GK5: variants seen among roughly 807,000 people sequenced by gnomAD.
The protein encoded by GK5 is glycerol kinase 5, also known as ATP:glycerol 3-phosphotransferase 5.
A neutral mutation model predicts 77.3 loss-of-function variants in GK5; 39 were observed. The observed-to-expected ratio is 0.50, with a 90% CI of 0.39 to 0.66. GK5 has a LOEUF of 0.66. Among genes scored for constraint, GK5 ranks in the 30% least tolerant of loss-of-function variants. GK5 has a pLI of 0.00. For missense variants in GK5, 487 were observed against 633.8 expected, an observed-to-expected ratio of 0.77 and a Z score of 2.49; for synonymous variants, 211 against 208.0, an observed-to-expected ratio of 1.01 and a Z score of -0.13.
Position 142,162,699 on chromosome 3 carries a change from G to C in GK5, c.*2923C>G, listed in dbSNP as rs1184851276. 1 of 151,920 alleles carries C rather than the reference G, an allele frequency of 6.6e-6. No individual in the cohort carries two copies. Among genetic ancestry groups the C allele is most frequent in the Non-Finnish European group, 1.5e-5 (1 of 67,982 alleles). The allele number at this position is 151,920 out of a possible 1,614,324, so 9.4% of individuals were successfully genotyped here. Reference sequence around the variant, plus strand: ...TAGCATACAAATGAAAAACAAACTTGGAAGACAGAAAGGACAAGCCAGGCA... The same window carrying C: ...TAGCATACAAATGAAAAACAAACTTCGAAGACAGAAAGGACAAGCCAGGCA... On this transcript the variant is annotated 3_prime_UTR_variant, in exon 16 of 16. Transcript: ENST00000392993.
chr3:142,194,112 C>T (rs2063896112), intron 5 of GK5, among the ~76,000 whole-genome samples: 1 of 152,022 alleles, frequency 6.6e-6, no homozygotes, highest in African/African-American at 2.4e-5. Context: ...TAGCTGTGTG[C>T]GGCGGGTCAC....
At chr3:142,222,391 C>G (rs113026060) in intron 1 of GK5, among the ~76,000 whole-genome samples, 1,648 of 152,156 alleles carry the variant, frequency 0.011, 32 homozygotes, top group African/African-American at 0.037. Context: ...CGGTGAAACC[C>G]CATGTCTATG....
chr3:142,192,472 T>A (rs952766071), intron 5 of GK5, among the ~76,000 whole-genome samples: 2 of 152,116 alleles, frequency 1.3e-5, no homozygotes, highest in African/African-American at 4.8e-5. Context: ...TTTCAATAGG[T>A]AACTGGATAG....
At chr3:142,187,567 T>G in intron 6 of GK5, 137 bp downstream of exon 6, 1 of 649,230 alleles carries the variant, frequency 1.5e-6, no homozygotes. Flanking sequence ...ATTACACCAT[T>G]GCACTCCCGC....
At chr3:142,202,874 T>A (rs2064048375) in intron 4 of GK5, among the ~76,000 whole-genome samples, 1 of 152,170 alleles carries the variant, frequency 6.6e-6, no homozygotes, top group African/African-American at 2.4e-5. Context: ...GGAGAATTGC[T>A]TGAACTCGGG....
intron 5 of GK5, among the ~76,000 whole-genome samples, chr3:142,190,910 CAG>C (rs1388849029): frequency 1.3e-5 from 2 of 152,078 alleles, no homozygotes; most frequent in Admixed American, 6.6e-5. Flanking sequence ...ACTGTATACA[CAG>C]AAACATCCTT....
chr3:142,179,719 C>A (rs1263603587), intron 11 of GK5, among the ~76,000 whole-genome samples: 2 of 152,186 alleles, frequency 1.3e-5, no homozygotes, highest in Non-Finnish European at 2.9e-5. Context: ...TGAAGAATTT[C>A]TCTAAATAAT....
At chr3:142,218,378 A>AT (rs576469251) in intron 1 of GK5, among the ~76,000 whole-genome samples, 2 of 10,334 alleles carry the variant, frequency 1.9e-4, no homozygotes, top group Admixed American at 9.5e-4. Context: ...ACTAAAATAC[A>AT]AAAAAAAAAA....
At chr3:142,186,298 C>T in intron 7 of GK5, 31 bp from the exon 8 acceptor site, 2 of 1,320,864 alleles carry the variant, frequency 1.5e-6, no homozygotes, top group Non-Finnish European at 2.2e-6. Context: ...TCAGAATATA[C>T]ATATTTACAT....
intron 4 of GK5, chr3:142,204,283 G>A (rs1222293331): frequency 1.2e-5 from 3 of 249,434 alleles, no homozygotes; most frequent in Non-Finnish European, 2.4e-5. Context: ...CTTCCAAAGT[G>A]TTGAGATTAC....
Position 142,172,352 on chromosome 3 carries a change from C to T in GK5, c.1247+1G>A. The T allele has an allele frequency of 6.5e-7, 1 of 1,535,822 alleles. No homozygotes were observed. Among genetic ancestry groups the T allele is most frequent in the Non-Finnish European group, 9.0e-7 (1 of 1,117,230 alleles). ...GGGAAGTTTAGGGCAGGTTTTCATA[C>T]CTGAAAGCTATTGACTCCAATATTG... On this transcript the variant is annotated splice_donor_variant, in intron 13 of 15. Transcript: ENST00000392993. LOFTEE classifies it high-confidence loss of function.
intron 5 of GK5, among the ~76,000 whole-genome samples, chr3:142,193,329 A>G (rs1363495119): frequency 6.6e-6 from 1 of 152,188 alleles, no homozygotes; most frequent in Non-Finnish European, 1.5e-5. Flanking sequence ...ATGTGAAAAG[A>G]TATCAATTTT....
intron 1 of GK5, among the ~76,000 whole-genome samples, chr3:142,218,308 A>T (rs773641372): frequency 6.6e-6 from 1 of 150,642 alleles, no homozygotes; most frequent in Non-Finnish European, 1.5e-5. Context: ...TGAGGCGGGC[A>T]TATTGTCTGA....
intron 1 of GK5, among the ~76,000 whole-genome samples, chr3:142,223,486 C>G (rs1409414807): frequency 6.6e-6 from 1 of 152,170 alleles, no homozygotes; most frequent in Non-Finnish European, 1.5e-5. Context: ...TCCCACACAG[C>G]TAGCCAGAGA....
At position 142,225,542 on chromosome 3, in the gene GK5, A is replaced by G; in HGVS notation, c.-87T>C. 1 of 1,473,614 alleles carries G rather than the reference A, an allele frequency of 6.8e-7. No homozygotes were observed. Among genetic ancestry groups the G allele is most frequent in the East Asian group, 2.7e-5 (1 of 37,400 alleles). The allele number at this position is 1,473,614 out of a possible 1,614,324, so 91.3% of individuals were successfully genotyped here. ...TGCTCCAGAGTCCCCGGGCGGCCCAACCCGGGCCCCAACCCGGCTCAGCCG... is the reference window on the plus strand; with the variant it reads ...TGCTCCAGAGTCCCCGGGCGGCCCAGCCCGGGCCCCAACCCGGCTCAGCCG... On this transcript the variant is annotated 5_prime_UTR_variant, in exon 1 of 16. Coordinates refer to ENST00000392993, the MANE Select transcript of GK5 (RefSeq NM_001039547.3).
intron 3 of GK5, among the ~76,000 whole-genome samples, chr3:142,211,549 T>C (rs1157660846): frequency 6.6e-6 from 1 of 152,122 alleles, no homozygotes; most frequent in Admixed American, 6.5e-5. Context: ...CCCAGCGCTT[T>C]GGGACGCCAA....
rs373430963 is a variant in GK5 at position 142,215,731 on chromosome 3, A to T, written c.148-39T>A. The T allele has an allele frequency of 2.5e-5, 25 of 982,430 alleles. No homozygotes were observed. The African/African-American group carries it at 3.4e-4, about 13-fold the overall frequency. 60.9% of individuals were successfully genotyped at this position (982,430 alleles called of 1,614,324 possible). Reference sequence around the variant, plus strand: ...GAAGATTTAGTAAAAACAGCATTAGATCAAGTCAATAGTATGGGTCTTTGG... The same window carrying T: ...GAAGATTTAGTAAAAACAGCATTAGTTCAAGTCAATAGTATGGGTCTTTGG... On this transcript the variant is annotated intron_variant, in intron 1 of 15. Transcript: ENST00000392993.
At chr3:142,219,102 C>T (rs2064310655) in intron 1 of GK5, among the ~76,000 whole-genome samples, 1 of 152,162 alleles carries the variant, frequency 6.6e-6, no homozygotes, top group Non-Finnish European at 1.5e-5. Context: ...AACTCTGATA[C>T]ATTGTTGATG....
rs1560219728 is a variant in GK5, at chr3:142,187,739, G to A, written c.584C>T (p.Thr195Ile). 1.2e-6 allele frequency: 2 copies of A among 1,612,040 alleles called. No homozygotes were observed. The highest frequency in any genetic ancestry group is 1.7e-5 in the Admixed American group (1 of 59,720). Residue 195 changes from threonine to isoleucine, a missense_variant, in exon 6 of 16, where the codon ACT (threonine) becomes ATT (isoleucine). This residue lies in a region of GK5 where 323 missense variants were observed against 437.4 expected (regional missense o/e 0.74). Coordinates refer to ENST00000392993, the MANE Select transcript of GK5 (RefSeq NM_001039547.3). ...AVEEENCCFG[T>I]IDTWLLYKLT... ...CTTATATAACAACCAGGTATCAATAGTCCCAAAGCAGCAATTTTCTTCTTC... is the reference window on the plus strand; with the variant it reads ...CTTATATAACAACCAGGTATCAATAATCCCAAAGCAGCAATTTTCTTCTTC...
Sources: allele counts gnomAD v4.1 joint callset (sites outside exome capture counted in the v4.1 genomes callset), GRCh38; gene constraint gnomAD v4.1.1; regional missense constraint gnomAD v4.1.1; transcripts MANE v1.5; gene names NCBI Gene and HGNC (gene_info 2026-07-23, HGNC 2026-07-21).